BMP10: variants seen among roughly 807,000 people sequenced by gnomAD.
BMP10 encodes the protein bone morphogenetic protein 10.
In BMP10, 9 loss-of-function variants were observed where a neutral mutation model predicts 29.9. That is an observed-to-expected ratio of 0.30 (90% CI 0.18 to 0.53). BMP10 has a LOEUF of 0.53. Among genes scored for constraint, BMP10 ranks in the 20% least tolerant of loss-of-function variants. BMP10 has a pLI of 0.96. For missense variants in BMP10, 474 were observed against 524.3 expected, an observed-to-expected ratio of 0.90 and a Z score of 0.94; for synonymous variants, 202 against 200.2, an observed-to-expected ratio of 1.01 and a Z score of -0.07.
In BMP10 at chr2:68,862,396, A is replaced by G. The variant is rs1022458348; in HGVS notation, c.*3235T>C. On this transcript the variant is annotated 3_prime_UTR_variant, in exon 2 of 2. Coordinates refer to ENST00000295379, the MANE Select transcript of BMP10 (RefSeq NM_014482.3). ...CTGAAGCCCAGAAGACTCTCTATCC[A>G]AAAGGGAATCACAGACATAAAAATA... Among the ~76,000 whole-genome samples the G allele has an allele frequency of 5.3e-5, 8 of 152,226 alleles. No homozygotes were observed. Among genetic ancestry groups the G allele is most frequent in the African/African-American group, 1.9e-4 (8 of 41,464 alleles).
In BMP10 at chr2:68,861,607, A is replaced by C. The variant is rs1440608070; in HGVS notation, c.*4024T>G. Among the ~76,000 whole-genome samples, 1 of 152,254 alleles carries C rather than the reference A, an allele frequency of 6.6e-6. No homozygotes were observed. The highest frequency in any genetic ancestry group is 2.4e-5 in the African/African-American group (1 of 41,466). ...ACCCACAGTGACTCTGAAAAGATCTACAACCTTAAAAAGGGCAACATCCCT... is the reference window on the plus strand; with the variant it reads ...ACCCACAGTGACTCTGAAAAGATCTCCAACCTTAAAAAGGGCAACATCCCT... On this transcript the variant is annotated 3_prime_UTR_variant, in exon 2 of 2. Transcript: ENST00000295379.
chr2:68,865,717 T>C lies in BMP10; in HGVS notation c.1189A>G (p.Ile397Val). The change falls in exon 2 of 2, where the codon ATC (isoleucine) becomes GTC (valine). Residue 397 changes from isoleucine to valine, a missense_variant. Transcript: ENST00000295379. The surrounding 1 kb of genome is among the most constrained non-coding windows in gnomAD (Gnocchi z 4.7). ...CCTTTGTCTAAATAGAGGATGGAGA[T>C]GGGCTCTAGCTTTGTGGGCACACAG... ...ACCVPTKLEP[I>V]SILYLDKGVV... is the part of the protein sequence containing the mutation. The C allele has an allele frequency of 6.2e-7, 1 of 1,614,160 alleles. No homozygotes were observed. Among genetic ancestry groups the C allele is most frequent in the Non-Finnish European group, 8.5e-7 (1 of 1,179,992 alleles).
intron 1 of BMP10, among the ~76,000 whole-genome samples, chr2:68,867,059 T>A (rs955079259): frequency 2.6e-5 from 4 of 152,224 alleles, no homozygotes; most frequent in Non-Finnish European, 4.4e-5. Context: ...GACACTGGTC[T>A]TCCTAAAAGA....
rs1682861461 is a variant in BMP10 at position 68,861,610 on chromosome 2, A to T, written c.*4021T>A. 6.6e-6 allele frequency among the ~76,000 whole-genome samples: 1 copy of T among 152,114 alleles called. No individual in the cohort carries two copies. Among genetic ancestry groups the T allele is most frequent in the Admixed American group, 6.5e-5 (1 of 15,280 alleles). On this transcript the variant is annotated 3_prime_UTR_variant, in exon 2 of 2. Transcript: ENST00000295379. The stretch of plus-strand genomic sequence containing the variant: ...CACAGTGACTCTGAAAAGATCTACA[A>T]CCTTAAAAAGGGCAACATCCCTTCT...
At chr2:68,867,036 G>A (rs144598604) in intron 1 of BMP10, among the ~76,000 whole-genome samples, 138 of 152,262 alleles carry the variant, frequency 9.1e-4, no homozygotes, top group Middle Eastern at 3.4e-3. Context: ...GGAGATCCCC[G>A]CACAGTTGGC....
chr2:68,869,895 T>C (rs1332440183), intron 1 of BMP10, among the ~76,000 whole-genome samples: 3 of 152,220 alleles, frequency 2.0e-5, no homozygotes, highest in Non-Finnish European at 4.4e-5. Flanking sequence ...CACTTCATAG[T>C]AAATGGAGTG....
rs1171677874 is a variant in BMP10 at position 68,863,944 on chromosome 2, T to C, written c.*1687A>G. ...TCCTGGTTCTAACAGGAACCATCCA[T>C]GTTCCCTGCCTGGAGATGCTGGAAC... On this transcript the variant is annotated 3_prime_UTR_variant, in exon 2 of 2. Transcript: ENST00000295379. Among the ~76,000 whole-genome samples, 3 of 152,152 alleles carry C rather than the reference T, an allele frequency of 2.0e-5. No individual in the cohort carries two copies. Among genetic ancestry groups the C allele is most frequent in the African/African-American group, 7.2e-5 (3 of 41,438 alleles).
intron 1 of BMP10, among the ~76,000 whole-genome samples, chr2:68,870,219 GT>G (rs954770994): frequency 6.6e-6 from 1 of 151,794 alleles, no homozygotes; most frequent in Non-Finnish European, 1.5e-5. Context: ...GATATCAGGG[GT>G]TTTTTTTCCT....
chr2:68,869,663 C>T (rs1328929036), intron 1 of BMP10, among the ~76,000 whole-genome samples: 1 of 152,210 alleles, frequency 6.6e-6, no homozygotes, highest in Admixed American at 6.5e-5. Context: ...AGGGTTCTTA[C>T]AGGAGGAAGT....
In BMP10 at chr2:68,865,157, G is replaced by T. The variant is rs1573684169; in HGVS notation, c.*474C>A. ...TACATTTCCAGAGTATTTAGGAAGG[G>T]TAATACTTCCTAGGATGATTAAAAC... On this transcript the variant is annotated 3_prime_UTR_variant, in exon 2 of 2. Coordinates refer to ENST00000295379, the MANE Select transcript of BMP10 (RefSeq NM_014482.3). The surrounding 1 kb of genome is among the most constrained non-coding windows in gnomAD (Gnocchi z 4.7). 6.6e-6 allele frequency among the ~76,000 whole-genome samples: 1 copy of T among 152,086 alleles called. No homozygotes were observed. The highest frequency in any genetic ancestry group is 2.1e-4 in the South Asian group (1 of 4,832).
Position 68,865,527 on chromosome 2 carries a change from G to A in BMP10, c.*104C>T. 8.5e-7 allele frequency: 1 copy of A among 1,176,710 alleles called. No homozygotes were observed. The highest frequency in any genetic ancestry group is 1.2e-6 in the Non-Finnish European group (1 of 833,036). 72.9% of individuals were successfully genotyped at this position (1,176,710 alleles called of 1,614,324 possible). On this transcript the variant is annotated 3_prime_UTR_variant, in exon 2 of 2. Transcript: ENST00000295379. This position sits in a 1 kb window ranked among gnomAD's most constrained non-coding sequence, Gnocchi z 4.7. Reference sequence around the variant, plus strand: ...AAACTGACCTGTCCATTTCCTGAAGGCAGCAAGCCTCTATTACTGTACACC... The same window carrying A: ...AAACTGACCTGTCCATTTCCTGAAGACAGCAAGCCTCTATTACTGTACACC...
rs186163400 is a variant in BMP10 at position 68,863,790 on chromosome 2, T to C, written c.*1841A>G. Among the ~76,000 whole-genome samples, 148 of 152,202 alleles carry C rather than the reference T, an allele frequency of 9.7e-4. 1 individual carries two copies. The highest frequency in any genetic ancestry group is 3.4e-3 in the African/African-American group (141 of 41,524). On this transcript the variant is annotated 3_prime_UTR_variant, in exon 2 of 2. Coordinates refer to ENST00000295379, the MANE Select transcript of BMP10 (RefSeq NM_014482.3). ...TCTAGTGCAGTTTGAGTTTATAACC[T>C]TAAGAGATTTGTAAAAGGGGACTGA...
At chr2:68,870,997 T>C in intron 1 of BMP10, 28 bp downstream of exon 1, 2 of 1,591,244 alleles carry the variant, frequency 1.3e-6, no homozygotes, top group Non-Finnish European at 1.7e-6. Flanking sequence ...AAAAAAATCC[T>C]AGCAAAATTT....
At chr2:68,870,605 T>G (rs1490882513) in intron 1 of BMP10, among the ~76,000 whole-genome samples, 2 of 152,254 alleles carry the variant, frequency 1.3e-5, no homozygotes, top group Non-Finnish European at 1.5e-5. Context: ...TGATGTTTTT[T>G]GACTGTTTTT....
Position 68,861,809 on chromosome 2 carries a change from G to C in BMP10, c.*3822C>G, listed in dbSNP as rs891650893. On this transcript the variant is annotated 3_prime_UTR_variant, in exon 2 of 2. Coordinates refer to ENST00000295379, the MANE Select transcript of BMP10 (RefSeq NM_014482.3). ...TTAGTAACAGTTCTTAAAAAAAAAA[G>C]GTTTTTGTCATTAATTCCCCGGACC... is the stretch of plus-strand genomic sequence containing the variant. Among the ~76,000 whole-genome samples, 6 of 151,926 alleles carry C rather than the reference G, an allele frequency of 3.9e-5. No individual in the cohort carries two copies. Among genetic ancestry groups the C allele is most frequent in the Admixed American group, 3.9e-4 (6 of 15,272 alleles).
At chr2:68,870,700 C>T (rs1174317233) in intron 1 of BMP10, among the ~76,000 whole-genome samples, 1 of 152,118 alleles carries the variant, frequency 6.6e-6, no homozygotes, top group Non-Finnish European at 1.5e-5. Context: ...TGGAAAATGA[C>T]AAAGGTACGG....
Position 68,863,827 on chromosome 2 carries a change from G to C in BMP10, c.*1804C>G, listed in dbSNP as rs572023054. Among the ~76,000 whole-genome samples the C allele has an allele frequency of 6.6e-6, 1 of 151,764 alleles. No individual in the cohort carries two copies. The highest frequency in any genetic ancestry group is 1.5e-5 in the Non-Finnish European group (1 of 67,916). ...TAAAAGGGGACTGATTGTTTTCCAG[G>C]GTAAAAAAAAGAAAAAAGTGTCAGA... On this transcript the variant is annotated 3_prime_UTR_variant, in exon 2 of 2. Transcript: ENST00000295379.
rs1009802688 is a variant in BMP10, at chr2:68,862,657, G to GTAAGAT, written c.*2968_*2973dup. 6.6e-6 allele frequency among the ~76,000 whole-genome samples: 1 copy of GTAAGAT among 152,082 alleles called. No individual in the cohort carries two copies. The highest frequency in any genetic ancestry group is 6.5e-5 in the Admixed American group (1 of 15,268). On this transcript the variant is annotated 3_prime_UTR_variant, in exon 2 of 2. Coordinates refer to ENST00000295379, the MANE Select transcript of BMP10 (RefSeq NM_014482.3). ...AAGGTCTATGACCAGAGAAACATTA[G>GTAAGAT]TAAGATTCTACCTTTTTAAGGATCT...
chr2:68,870,889 G>A (rs1317062031), intron 1 of BMP10, 136 bp downstream of exon 1: 1 of 776,620 alleles, frequency 1.3e-6, no homozygotes, highest in African/African-American at 1.7e-5. Flanking sequence ...AATGTGCCTT[G>A]TTTTTGTGTA....
Sources: allele counts gnomAD v4.1 joint callset (sites outside exome capture counted in the v4.1 genomes callset), GRCh38; gene constraint gnomAD v4.1.1; non-coding constraint Gnocchi (gnomAD v3.1); transcripts MANE v1.5; gene names NCBI Gene and HGNC (gene_info 2026-07-23, HGNC 2026-07-21).